The following CYP7B1 variants were observed in gnomAD, a reference collection of about 807,000 sequenced individuals.
CYP7B1 encodes the protein cytochrome P450 7B1.
CYP7B1 carries 29 observed loss-of-function variants against 42.7 expected under a neutral mutation model. That is an observed-to-expected ratio of 0.68 (90% CI 0.51 to 0.93). The LOEUF is 0.93. CYP7B1 is among the 40% of genes least tolerant of loss of function. CYP7B1 has a pLI of 0.00. For missense variants in CYP7B1, 655 were observed against 600.5 expected (o/e 1.09, Z -0.95); for synonymous variants, 235 against 218.2 (o/e 1.08, Z -0.68).
intron 1 of CYP7B1, among the ~76,000 whole-genome samples, chr8:64,666,289 T>C (rs565585799): frequency 4.6e-5 from 7 of 152,214 alleles, no homozygotes; most frequent in Non-Finnish European, 8.8e-5. Flanking sequence ...TAAGTCCTAC[T>C]CACTGTCCTT....
intron 1 of CYP7B1, among the ~76,000 whole-genome samples, chr8:64,690,818 C>T (rs1014012979): frequency 2.0e-5 from 3 of 152,212 alleles, no homozygotes; most frequent in Admixed American, 6.5e-5. Context: ...TGGATACAAA[C>T]ATCCCCAGGC....
chr8:64,639,837 T>C lies in CYP7B1; in HGVS notation c.123-15298A>G, dbSNP rs149418411. On this transcript the variant is annotated intron_variant, in intron 1 of 5. Coordinates refer to ENST00000310193, the MANE Select transcript of CYP7B1 (RefSeq NM_004820.5). The stretch of plus-strand genomic sequence containing the variant: ...ATGTTCATAGGAGTATTAATCATAA[T>C]AGTCAAAATTTAGAAATAATTCATA... 3.8e-3 allele frequency among the ~76,000 whole-genome samples: 576 copies of C among 152,220 alleles called. 3 individuals carry two copies. Among genetic ancestry groups the C allele is most frequent in the Middle Eastern group, 0.024 (7 of 294 alleles).
intron 1 of CYP7B1, among the ~76,000 whole-genome samples, chr8:64,722,501 A>G (rs1807253654): frequency 6.6e-6 from 1 of 152,140 alleles, no homozygotes; most frequent in African/African-American, 2.4e-5. Flanking sequence ...AGCTACTAGA[A>G]AAAATCTAAC....
rs773628591 is a variant in CYP7B1 at position 64,595,360 on chromosome 8, T to TA, written c.*1281dup. Among the ~76,000 whole-genome samples, 162 of 152,362 alleles carry TA rather than the reference T, an allele frequency of 1.1e-3. No homozygotes were observed. In the Middle Eastern group the frequency reaches 0.02, roughly 19 times the overall value. ...AGTCAGTTTCCTTTTCTCAAAACAG[T>TA]AGCAGATTTCTGAAATATTAGAAGT... is the stretch of plus-strand genomic sequence containing the variant. On this transcript the variant is annotated 3_prime_UTR_variant, in exon 6 of 6. Transcript: ENST00000310193.
At chr8:64,708,554 G>T (rs1807033972) in intron 1 of CYP7B1, among the ~76,000 whole-genome samples, 2 of 152,112 alleles carry the variant, frequency 1.3e-5, no homozygotes, top group African/African-American at 4.8e-5. Context: ...TCAGTTTGTT[G>T]CTTTATGTGC....
intron 1 of CYP7B1, among the ~76,000 whole-genome samples, chr8:64,634,686 G>A (rs1276667514): frequency 6.6e-6 from 1 of 152,032 alleles, no homozygotes; most frequent in Non-Finnish European, 1.5e-5. Context: ...AAAAAGTACA[G>A]TCTACAAATG....
At chr8:64,748,117 G>A (rs1807672128) in intron 1 of CYP7B1, among the ~76,000 whole-genome samples, 1 of 152,132 alleles carries the variant, frequency 6.6e-6, no homozygotes, top group South Asian at 2.1e-4. Flanking sequence ...TCTGATGAGA[G>A]ACATCATCAG....
intron 1 of CYP7B1, among the ~76,000 whole-genome samples, chr8:64,759,599 CTA>C (rs1807856554): frequency 6.6e-6 from 1 of 151,954 alleles, no homozygotes; most frequent in African/African-American, 2.4e-5. Flanking sequence ...AATGATCAAA[CTA>C]TGATATGAAT....
chr8:64,656,041 G>T (rs1414921330), intron 1 of CYP7B1, among the ~76,000 whole-genome samples: 1 of 152,074 alleles, frequency 6.6e-6, no homozygotes, highest in Non-Finnish European at 1.5e-5. Context: ...GAGAGGAGCA[G>T]AAAAGGTAAC....
chr8:64,707,564 A>C (rs1446822282), intron 1 of CYP7B1, among the ~76,000 whole-genome samples: 3 of 152,104 alleles, frequency 2.0e-5, no homozygotes, highest in Non-Finnish European at 4.4e-5. Context: ...AATGGTATTC[A>C]CCTGTCATTT....
chr8:64,738,790 T>G (rs923313954), intron 1 of CYP7B1, among the ~76,000 whole-genome samples: 23 of 152,204 alleles, frequency 1.5e-4, no homozygotes, highest in Non-Finnish European at 2.9e-5. Context: ...TCCAAAGAGT[T>G]GACAGCCAAG....
At chr8:64,640,904 T>A (rs1047186130) in intron 1 of CYP7B1, among the ~76,000 whole-genome samples, 1 of 152,132 alleles carries the variant, frequency 6.6e-6, no homozygotes, top group Admixed American at 6.5e-5. Context: ...ATAAAGTAAA[T>A]AAGCATAAGA....
chr8:64,756,856 G>C (rs868562994), intron 1 of CYP7B1, among the ~76,000 whole-genome samples: 1 of 152,036 alleles, frequency 6.6e-6, no homozygotes, highest in Non-Finnish European at 1.5e-5. Flanking sequence ...AAGCACTTAC[G>C]GAAAATAACA....
At chr8:64,609,057 T>C (rs1805327624) in intron 4 of CYP7B1, among the ~76,000 whole-genome samples, 1 of 152,184 alleles carries the variant, frequency 6.6e-6, no homozygotes, top group Admixed American at 6.5e-5. Context: ...TTGGCCTTCA[T>C]GGACAATGCA....
At chr8:64,772,371 T>C (rs771542401) in intron 1 of CYP7B1, among the ~76,000 whole-genome samples, 1 of 152,206 alleles carries the variant, frequency 6.6e-6, no homozygotes, top group Admixed American at 6.5e-5. Context: ...GTAGGACAGA[T>C]TGTCCTCTAG....
At chr8:64,733,696 T>G (rs117918533) in intron 1 of CYP7B1, among the ~76,000 whole-genome samples, 2 of 152,328 alleles carry the variant, frequency 1.3e-5, no homozygotes, top group East Asian at 3.9e-4. Context: ...TTCTGCCATG[T>G]GCTATGACCC....
intron 1 of CYP7B1, among the ~76,000 whole-genome samples, chr8:64,645,839 C>G (rs906884620): frequency 2.0e-5 from 3 of 152,022 alleles, no homozygotes; most frequent in Non-Finnish European, 4.4e-5. Flanking sequence ...GGTACTGGTA[C>G]CAAAACAGAG....
At chr8:64,691,845 G>A (rs553592231) in intron 1 of CYP7B1, among the ~76,000 whole-genome samples, 23 of 152,250 alleles carry the variant, frequency 1.5e-4, no homozygotes, top group African/African-American at 4.1e-4. Flanking sequence ...CTAGTTCTTA[G>A]GTCAGAGCAC....
At chr8:64,702,187 C>T (rs767117752) in intron 1 of CYP7B1, among the ~76,000 whole-genome samples, 21 of 151,866 alleles carry the variant, frequency 1.4e-4, no homozygotes, top group Non-Finnish European at 5.9e-5. Flanking sequence ...CATTATAGAA[C>T]TATACTAAGC....
Sources: gnomAD v4.1 joint callset for allele counts (sites outside exome capture counted in the v4.1 genomes callset) on GRCh38, gnomAD v4.1.1 for gene constraint, MANE v1.5 for transcripts, NCBI Gene and HGNC (gene_info 2026-07-23, HGNC 2026-07-21) for gene names.